The following ANKS1B variants were observed in gnomAD, a reference collection of about 807,000 sequenced individuals.
The protein encoded by ANKS1B is ankyrin repeat and sterile alpha motif domain-containing protein 1B.
In ANKS1B, 36 loss-of-function variants were observed where a neutral mutation model predicts 148.3. That is an observed-to-expected ratio of 0.24 (90% CI 0.19 to 0.32). ANKS1B has a LOEUF of 0.32. ANKS1B is among the 10% of genes least tolerant of loss of function. The pLI is 1.00. For missense variants in ANKS1B, 1,157 were observed against 1,542.6 expected (o/e 0.75, Z 4.19); for synonymous variants, 542 against 560.8 (o/e 0.97, Z 0.47).
intron 15 of ANKS1B, among the ~76,000 whole-genome samples, chr12:99,148,065 T>C (rs980910193): frequency 2.0e-5 from 3 of 152,076 alleles, no homozygotes; most frequent in South Asian, 4.1e-4. Flanking sequence ...CACTGAACAC[T>C]TGTTTGAGAG....
At chr12:98,925,736 A>C (rs1214145104) in intron 17 of ANKS1B, among the ~76,000 whole-genome samples, 1 of 152,162 alleles carries the variant, frequency 6.6e-6, no homozygotes, top group Non-Finnish European at 1.5e-5. Flanking sequence ...GGGACAGGTC[A>C]GGTATGAAGC....
At chr12:98,900,266 G>A (rs1567676230) in intron 17 of ANKS1B, among the ~76,000 whole-genome samples, 1 of 152,148 alleles carries the variant, frequency 6.6e-6, no homozygotes, top group Admixed American at 6.6e-5. Flanking sequence ...GAGATTCTTG[G>A]AGGAAGAAAT....
intron 1 of ANKS1B, among the ~76,000 whole-genome samples, chr12:99,897,504 A>C (rs1296043242): frequency 6.6e-6 from 1 of 151,236 alleles, no homozygotes; most frequent in Non-Finnish European, 1.5e-5. Flanking sequence ...AAACTAGTGA[A>C]AGCCACACAA....
chr12:99,393,828 T>G (rs1291016228), intron 12 of ANKS1B, among the ~76,000 whole-genome samples: 2 of 152,170 alleles, frequency 1.3e-5, no homozygotes, highest in Non-Finnish European at 2.9e-5. Flanking sequence ...CTTGTTCTCT[T>G]TCACTTCCCT....
chr12:99,325,028 G>A (rs1030017457), intron 12 of ANKS1B, among the ~76,000 whole-genome samples: 3 of 152,082 alleles, frequency 2.0e-5, no homozygotes, highest in African/African-American at 4.8e-5. Context: ...TGCCGTATAT[G>A]TACAGTATGT....
chr12:98,888,684 C>T (rs185167816), intron 17 of ANKS1B, among the ~76,000 whole-genome samples: 238 of 152,356 alleles, frequency 1.6e-3, no homozygotes, highest in African/African-American at 5.5e-3. Flanking sequence ...CTTTCTCCAG[C>T]ATCTCCGTAT....
chr12:98,979,082 C>A (rs1481789245), intron 17 of ANKS1B, among the ~76,000 whole-genome samples: 1 of 151,340 alleles, frequency 6.6e-6, no homozygotes, highest in Non-Finnish European at 1.5e-5. Flanking sequence ...GCGGAGCTTG[C>A]AGTGAGCTGA....
intron 17 of ANKS1B, among the ~76,000 whole-genome samples, chr12:98,859,699 C>T (rs1399561809): frequency 2.0e-5 from 3 of 152,126 alleles, no homozygotes; most frequent in Non-Finnish European, 4.4e-5. Context: ...ACATTTAAAT[C>T]GATACAGCCC....
chr12:99,778,896 C>A (rs1052118214), intron 6 of ANKS1B, among the ~76,000 whole-genome samples: 5 of 152,128 alleles, frequency 3.3e-5, no homozygotes, highest in African/African-American at 1.2e-4. Context: ...TATCTCCCTG[C>A]AAAACAATGC....
In ANKS1B at chr12:99,535,662, A is replaced by G. The variant is rs577883584; in HGVS notation, c.1273-31021T>C. On this transcript the variant is annotated intron_variant, in intron 9 of 26. Coordinates refer to ENST00000683438, the MANE Select transcript of ANKS1B (RefSeq NM_001352186.2). ...CATCTGCTTGTTAGATCAGCTTAAC[A>G]CTGAATTTGAACATGCCTTACCTCA... 2.0e-5 allele frequency among the ~76,000 whole-genome samples: 3 copies of G among 152,162 alleles called. No individual in the cohort carries two copies. The South Asian group carries it at 6.2e-4, about 32-fold the overall frequency.
intron 14 of ANKS1B, among the ~76,000 whole-genome samples, chr12:99,163,558 C>T (rs568285069): frequency 3.3e-5 from 5 of 151,828 alleles, no homozygotes; most frequent in Admixed American, 6.6e-5. Flanking sequence ...TCATCACAGT[C>T]GAGACACCGA....
At chr12:99,136,966 C>A (rs560858357) in intron 15 of ANKS1B, among the ~76,000 whole-genome samples, 2 of 152,118 alleles carry the variant, frequency 1.3e-5, no homozygotes, top group Non-Finnish European at 2.9e-5. Context: ...ATCAATCAAA[C>A]GGCTAACCAG....
At chr12:99,318,300 T>A (rs1026275980) in intron 12 of ANKS1B, among the ~76,000 whole-genome samples, 4 of 152,186 alleles carry the variant, frequency 2.6e-5, no homozygotes, top group South Asian at 2.1e-4. Flanking sequence ...AGTCCTGGAC[T>A]TTTTTTGGTT....
At chr12:99,008,213 A>G (rs2099937281) in intron 17 of ANKS1B, among the ~76,000 whole-genome samples, 2 of 152,146 alleles carry the variant, frequency 1.3e-5, no homozygotes, top group South Asian at 4.1e-4. Context: ...TTTATACCCT[A>G]TTATAATGAT....
intron 12 of ANKS1B, among the ~76,000 whole-genome samples, chr12:99,314,212 G>T (rs539505488): frequency 3.1e-4 from 47 of 152,126 alleles, no homozygotes; most frequent in Non-Finnish European, 5.0e-4. Context: ...GCTAACAAGG[G>T]ATGTGAAGGA....
chr12:99,606,589 A>C (rs916814793), intron 9 of ANKS1B, among the ~76,000 whole-genome samples: 6 of 152,042 alleles, frequency 3.9e-5, no homozygotes, highest in Non-Finnish European at 2.9e-5. Flanking sequence ...AAAGTACATA[A>C]ACTTATGAAT....
intron 8 of ANKS1B, among the ~76,000 whole-genome samples, chr12:99,736,410 G>A (rs572930130): frequency 1.3e-5 from 2 of 151,726 alleles, no homozygotes; most frequent in Non-Finnish European, 1.5e-5. Flanking sequence ...GTTGCAGGAC[G>A]CAAAATCAGC....
chr12:99,151,532 A>G (rs1306646783), intron 15 of ANKS1B, among the ~76,000 whole-genome samples: 2 of 152,050 alleles, frequency 1.3e-5, no homozygotes, highest in African/African-American at 4.8e-5. Context: ...CCACTCAAAA[A>G]AAAAAAAAAC....
At chr12:99,233,656 TCAAA>T (rs1475352558) in intron 14 of ANKS1B, among the ~76,000 whole-genome samples, 3 of 152,192 alleles carry the variant, frequency 2.0e-5, no homozygotes, top group Admixed American at 2.0e-4. Context: ...AGGACTGACC[TCAAA>T]CAAATTCAGG....
Sources: gnomAD v4.1 joint callset for allele counts (sites outside exome capture counted in the v4.1 genomes callset) on GRCh38, gnomAD v4.1.1 for gene constraint, MANE v1.5 for transcripts, NCBI Gene and HGNC (gene_info 2026-07-23, HGNC 2026-07-21) for gene names.